The following PRDM16 variants were observed in gnomAD, a reference collection of about 807,000 sequenced individuals.
PRDM16 encodes histone-lysine N-methyltransferase PRDM16.
Under a neutral mutation model 110.6 loss-of-function variants are expected in PRDM16, and 23 were observed. That is an observed-to-expected ratio of 0.21 (90% CI 0.15 to 0.29). The LOEUF is 0.29. Among genes scored for constraint, PRDM16 ranks in the 10% least tolerant of loss-of-function variants. The pLI is 1.00. For missense variants in PRDM16, 1,615 were observed against 1,794.3 expected (o/e 0.90, Z 1.81); for synonymous variants, 799 against 781.8 (o/e 1.02, Z -0.37).
intron 1 of PRDM16, among the ~76,000 whole-genome samples, chr1:3,101,375 C>T (rs949679477): frequency 1.3e-5 from 2 of 152,234 alleles, no homozygotes; most frequent in African/African-American, 2.4e-5. Context: ...GATAAATCTT[C>T]GCGCTGTCAC....
intron 1 of PRDM16, among the ~76,000 whole-genome samples, chr1:3,145,977 G>A (rs1033332460): frequency 2.6e-5 from 4 of 152,182 alleles, no homozygotes; most frequent in Non-Finnish European, 5.9e-5. Flanking sequence ...GCAGCGCCTC[G>A]GGACTCACAC....
intron 2 of PRDM16, among the ~76,000 whole-genome samples, chr1:3,230,546 T>G (rs894944209): frequency 6.6e-6 from 1 of 152,240 alleles, no homozygotes; most frequent in Non-Finnish European, 1.5e-5. Context: ...TTCGTGTGCT[T>G]CTCCTTGTTG....
chr1:3,405,476 A>G lies in PRDM16; in HGVS notation c.1033-19A>G. 6.5e-7 allele frequency: 1 copy of G among 1,548,552 alleles called. No homozygotes were observed. On this transcript the variant is annotated intron_variant, in intron 7 of 16. Coordinates refer to ENST00000270722, the MANE Select transcript of PRDM16 (RefSeq NM_022114.4). ...GGGTGTCCAGGCAGGGCACGCGCCAACGGCATCCGTCTCCCCAGGTGTTCA... is the reference window on the plus strand; with the variant it reads ...GGGTGTCCAGGCAGGGCACGCGCCAGCGGCATCCGTCTCCCCAGGTGTTCA...
chr1:3,275,967 A>G (rs1247822494), intron 3 of PRDM16, among the ~76,000 whole-genome samples: 2 of 151,908 alleles, frequency 1.3e-5, no homozygotes, highest in East Asian at 1.9e-4. Flanking sequence ...GGGTCTGTGC[A>G]CTCCAGCACA....
chr1:3,393,252 A>G (rs1643326056), intron 4 of PRDM16, among the ~76,000 whole-genome samples: 1 of 152,248 alleles, frequency 6.6e-6, no homozygotes, highest in Non-Finnish European at 1.5e-5. Context: ...AAAGGCATAG[A>G]TGCCTAGATG....
At position 3,353,350 on chromosome 1, in the gene PRDM16, C is replaced by T. The variant is rs1443152240; in HGVS notation, c.439-31802C>T. On this transcript the variant is annotated intron_variant, in intron 3 of 16. Transcript: ENST00000270722. This position sits in a 1 kb window ranked among gnomAD's most constrained non-coding sequence, Gnocchi z 5.4. ...CTCGGCCTGGGGGCTATGGCAGGGCCCTCATTGGGTGAGGGAGGCCCGGGG... is the reference window on the plus strand; with the variant it reads ...CTCGGCCTGGGGGCTATGGCAGGGCTCTCATTGGGTGAGGGAGGCCCGGGG... Among the ~76,000 whole-genome samples, 1 of 152,208 alleles carries T rather than the reference C, an allele frequency of 6.6e-6. No homozygotes were observed. Among genetic ancestry groups the T allele is most frequent in the East Asian group, 1.9e-4 (1 of 5,184 alleles).
chr1:3,153,401 G>A (rs2100727686), intron 1 of PRDM16, among the ~76,000 whole-genome samples: 1 of 152,372 alleles, frequency 6.6e-6, no homozygotes, highest in Admixed American at 6.5e-5. Flanking sequence ...GGTTTGCACT[G>A]TGCTGGCAAA....
intron 3 of PRDM16, among the ~76,000 whole-genome samples, chr1:3,257,267 C>A (rs572795602): frequency 6.6e-6 from 1 of 152,314 alleles, no homozygotes; most frequent in African/African-American, 2.4e-5. Context: ...CAGTTTCTGG[C>A]TCTCTGCCTT....
chr1:3,278,730 G>A (rs894074629), intron 3 of PRDM16, among the ~76,000 whole-genome samples: 11 of 152,312 alleles, frequency 7.2e-5, no homozygotes, highest in Admixed American at 2.6e-4. Context: ...CTGGCCACCC[G>A]AGAACTTTTC....
intron 3 of PRDM16, among the ~76,000 whole-genome samples, chr1:3,352,622 A>G (rs769654909): frequency 6.6e-6 from 1 of 152,252 alleles, no homozygotes; most frequent in Non-Finnish European, 1.5e-5. Flanking sequence ...ACCGCGCAGC[A>G]CAGCTTGTTC....
At chr1:3,173,654 G>A (rs3795266) in intron 1 of PRDM16, among the ~76,000 whole-genome samples, 2,154 of 152,368 alleles carry the variant, frequency 0.014, 87 homozygotes, top group East Asian at 0.11. Flanking sequence ...CCCCAGAGGC[G>A]TGGGCTGCGC....
intron 10 of PRDM16, among the ~76,000 whole-genome samples, chr1:3,417,057 C>CA (rs1638285702): frequency 6.6e-6 from 1 of 152,226 alleles, no homozygotes; most frequent in African/African-American, 2.4e-5. Flanking sequence ...TCAGTGGGGC[C>CA]AGGACAGTCT....
intron 3 of PRDM16, among the ~76,000 whole-genome samples, chr1:3,380,038 T>A (rs1228403315): frequency 1.1e-5 from 1 of 92,100 alleles, no homozygotes; most frequent in Non-Finnish European, 2.3e-5. Flanking sequence ...CATGCACCCC[T>A]CCCAACACAT....
At chr1:3,151,772 GGAGAA>G (rs1260820230) in intron 1 of PRDM16, among the ~76,000 whole-genome samples, 1 of 152,206 alleles carries the variant, frequency 6.6e-6, no homozygotes, top group African/African-American at 2.4e-5. Flanking sequence ...CTCCACTCCC[GGAGAA>G]GAGAGCCCAA....
At chr1:3,132,421 G>C (rs1328966808) in intron 1 of PRDM16, among the ~76,000 whole-genome samples, 2 of 152,190 alleles carry the variant, frequency 1.3e-5, no homozygotes, top group Non-Finnish European at 2.9e-5. Flanking sequence ...GAGCCTTCCA[G>C]AACTTTCTAG....
At chr1:3,334,302 G>A (rs1642101675) in intron 3 of PRDM16, among the ~76,000 whole-genome samples, 1 of 152,280 alleles carries the variant, frequency 6.6e-6, no homozygotes, top group African/African-American at 2.4e-5. Context: ...GGGGTTGGAT[G>A]TAGGGGTTGC....
chr1:3,199,803 A>G (rs899146934), intron 2 of PRDM16, among the ~76,000 whole-genome samples: 4 of 152,154 alleles, frequency 2.6e-5, no homozygotes, highest in African/African-American at 7.2e-5. Flanking sequence ...TGCCTCCCAC[A>G]TGGACACGAG....
chr1:3,155,880 A>G (rs910013426), intron 1 of PRDM16, among the ~76,000 whole-genome samples: 2 of 152,182 alleles, frequency 1.3e-5, no homozygotes, highest in African/African-American at 2.4e-5. Context: ...CTTCCTCTTC[A>G]GAGCTGCTCG....
Position 3,288,617 on chromosome 1 carries a change from C to T in PRDM16, c.438+44480C>T, listed in dbSNP as rs531150216. On this transcript the variant is annotated intron_variant, in intron 3 of 16. Coordinates refer to ENST00000270722, the MANE Select transcript of PRDM16 (RefSeq NM_022114.4). Reference sequence around the variant, plus strand: ...GCTCACCTAGGGGTCCTGGTGGGACCGAGGCCACCACCACCCATAGCCCCT... The same window carrying T: ...GCTCACCTAGGGGTCCTGGTGGGACTGAGGCCACCACCACCCATAGCCCCT... 2.0e-4 allele frequency among the ~76,000 whole-genome samples: 31 copies of T among 152,230 alleles called. No individual in the cohort carries two copies. The South Asian group carries it at 4.3e-3, about 21-fold the overall frequency.
Sources: gnomAD v4.1 joint callset for allele counts (sites outside exome capture counted in the v4.1 genomes callset) on GRCh38, gnomAD v4.1.1 for gene constraint, Gnocchi (gnomAD v3.1) non-coding constraint, MANE v1.5 for transcripts, NCBI Gene and HGNC (gene_info 2026-07-23, HGNC 2026-07-21) for gene names.